Variants in DNAAF11 observed in about 807,000 individuals in gnomAD.
DNAAF11 encodes the protein leucine rich repeat containing 6.
A neutral mutation model predicts 60.8 loss-of-function variants in DNAAF11; 45 were observed. The ratio of observed to expected loss-of-function variants is 0.74; its 90% CI spans 0.58 to 0.95. The LOEUF is 0.95. Ranked by LOEUF, DNAAF11 falls within the 40% of genes least tolerant of loss-of-function variation. The probability of loss-of-function intolerance (pLI) is 0.00; values close to 1 mark genes in which losing one functional copy is unlikely to be tolerated. For synonymous variants in DNAAF11, 191 were observed against 183.5 expected (o/e 1.04, Z -0.33); for missense variants, 546 against 546.2 (o/e 1.00, Z 0.00).
At chr8:132,628,948 C>CA (rs1480955331) in intron 5 of DNAAF11, among the ~76,000 whole-genome samples, 1 of 152,140 alleles carries the variant, frequency 6.6e-6, no homozygotes, top group Non-Finnish European at 1.5e-5. Flanking sequence ...AAAATACAAT[C>CA]AGACAAGGAT....
chr8:132,608,652 C>T (rs1818349923), intron 10 of DNAAF11: 1 of 274,020 alleles, frequency 3.6e-6, no homozygotes, highest in African/African-American at 2.2e-5. Flanking sequence ...TTCACACAGA[C>T]ACAAAAACAA....
At chr8:132,668,055 G>T (rs1160083541) in intron 1 of DNAAF11, among the ~76,000 whole-genome samples, 1 of 151,970 alleles carries the variant, frequency 6.6e-6, no homozygotes, top group Non-Finnish European at 1.5e-5. Context: ...AGATTTTGTA[G>T]CATTCAGACA....
At chr8:132,675,383 A>G in intron 1 of DNAAF11, 101 bp downstream of exon 1, 1 of 1,330,434 alleles carries the variant, frequency 7.5e-7, no homozygotes, top group Non-Finnish European at 1.0e-6. Flanking sequence ...GCGCGGGGGA[A>G]CCGACAGCGC....
chr8:132,687,408 C>G, the DNAAF11 span: 7 of 306,336 alleles, frequency 2.3e-5, no homozygotes, highest in African/African-American at 1.5e-4. Flanking sequence ...TACATTCTAG[C>G]AGAATAATGA....
At chr8:132,647,890 C>A (rs1297602792) in intron 3 of DNAAF11, among the ~76,000 whole-genome samples, 1 of 152,106 alleles carries the variant, frequency 6.6e-6, no homozygotes, top group African/African-American at 2.4e-5. Context: ...CAAAAAAAGT[C>A]CAGGACCAGA....
Position 132,637,915 on chromosome 8 carries a change from C to A in DNAAF11, c.429+20G>T. The A allele has an allele frequency of 6.3e-7, 1 of 1,584,058 alleles. No homozygotes were observed. The highest frequency in any genetic ancestry group is 8.6e-7 in the Non-Finnish European group (1 of 1,163,888). On this transcript the variant is annotated intron_variant, in intron 4 of 11. Coordinates refer to ENST00000620350, the MANE Select transcript of DNAAF11 (RefSeq NM_012472.6). The stretch of plus-strand genomic sequence containing the variant: ...CATGCTCATTTATCTGTGATTTCTG[C>A]ACCATTAAAAGAACCATACCTTTAA...
At position 132,661,635 on chromosome 8, in the gene DNAAF11, A is replaced by C. The variant is rs757258992; in HGVS notation, c.11-8T>G. ...TAATAAGATCTTCTGTGACTGGAAG[A>C]AAATGTGTTACATATTACATTTCTG... is the stretch of plus-strand genomic sequence containing the variant. On this transcript the variant is annotated splice_polypyrimidine_tract_variant and splice_region_variant and intron_variant, in intron 1 of 11. Transcript: ENST00000620350. The C allele has an allele frequency of 1.2e-5, 20 of 1,611,888 alleles. No individual in the cohort carries two copies. The South Asian group carries it at 2.2e-4, about 18-fold the overall frequency.
chr8:132,679,300 G>C (rs943372918), upstream of DNAAF11, among the ~76,000 whole-genome samples: 5 of 152,142 alleles, frequency 3.3e-5, no homozygotes, highest in Admixed American at 2.0e-4. Flanking sequence ...TGGGTGCTCA[G>C]TAAATATTTG....
intron 11 of DNAAF11, among the ~76,000 whole-genome samples, chr8:132,582,401 G>A (rs1009992893): frequency 6.6e-5 from 10 of 152,160 alleles, no homozygotes; most frequent in Non-Finnish European, 1.3e-4. Context: ...TTTTCCTGGG[G>A]TCTGAAAACC....
At chr8:132,701,377 G>T in the DNAAF11 span, among the ~76,000 whole-genome samples, 1 of 152,208 alleles carries the variant, frequency 6.6e-6, no homozygotes, top group African/African-American at 2.4e-5. Flanking sequence ...CCCTCCTGGA[G>T]CTTGTAGTCA....
intron 11 of DNAAF11, chr8:132,578,472 C>A: frequency 6.5e-7 from 1 of 1,534,260 alleles, no homozygotes; most frequent in Non-Finnish European, 8.7e-7. Context: ...GTCTTACCCA[C>A]GACCTGACTG....
At chr8:132,601,732 T>C (rs1243342602) in intron 10 of DNAAF11, among the ~76,000 whole-genome samples, 1 of 151,666 alleles carries the variant, frequency 6.6e-6, no homozygotes, top group Non-Finnish European at 1.5e-5. Context: ...TGAGAACACT[T>C]GGACACAGGA....
At chr8:132,591,102 A>C (rs1816418036) in intron 10 of DNAAF11, among the ~76,000 whole-genome samples, 2 of 152,204 alleles carry the variant, frequency 1.3e-5, no homozygotes, top group African/African-American at 4.8e-5. Context: ...GAGAATCAAA[A>C]TTTAGAATTA....
chr8:132,644,843 A>G (rs1407012706), intron 3 of DNAAF11, among the ~76,000 whole-genome samples: 1 of 152,188 alleles, frequency 6.6e-6, no homozygotes, highest in Non-Finnish European at 1.5e-5. Flanking sequence ...GGAAGCTCGA[A>G]CTGGGTGGAG....
chr8:132,667,828 G>A (rs1824780764), intron 1 of DNAAF11, among the ~76,000 whole-genome samples: 1 of 152,164 alleles, frequency 6.6e-6, no homozygotes, highest in South Asian at 2.1e-4. Context: ...ACTTTGCAGG[G>A]AGCAGGGACA....
rs1814568978 is a variant in DNAAF11, at chr8:132,574,777, G to A, written c.1227-2297C>T. ...GCCCCATGCTAAGGCCTTTACTTGT[G>A]TCATCAAATCCTCAGACCCAGTGGG... On this transcript the variant is annotated intron_variant, in intron 11 of 11. Transcript: ENST00000620350. Among the ~76,000 whole-genome samples, 4 of 152,254 alleles carry A rather than the reference G, an allele frequency of 2.6e-5. No homozygotes were observed. In the South Asian group the frequency reaches 8.3e-4, roughly 32 times the overall value.
In DNAAF11 at chr8:132,637,995, G is replaced by T. The variant is rs373347833; in HGVS notation, c.369C>A (p.Asn123Lys). The T allele has an allele frequency of 6.2e-7, 1 of 1,614,044 alleles. No homozygotes were observed. ...TATAGTGGTCAAAGGAAGCACATGG[G>T]TTCCCCATGAGAAAGAGCTCCTTCA... ...IHLKELFLMG[N>K]PCASFDHYRE... Residue 123 changes from asparagine to lysine, a missense_variant, in exon 4 of 12, where the codon AAC (asparagine) becomes AAA (lysine). Asn to Lys is a moderately conservative substitution (Grantham distance 94). Transcript: ENST00000620350.
At chr8:132,658,359 G>A (rs906811996) in intron 2 of DNAAF11, among the ~76,000 whole-genome samples, 4 of 152,156 alleles carry the variant, frequency 2.6e-5, no homozygotes, top group Admixed American at 2.6e-4. Flanking sequence ...GTCTCACTCT[G>A]TTGCCCAGGC....
intron 8 of DNAAF11, 126 bp from the exon 9 acceptor site, chr8:132,611,489 G>C (rs556507304): frequency 5.0e-5 from 26 of 521,462 alleles, no homozygotes; most frequent in Non-Finnish European, 8.9e-5. Context: ...ATGCAAAATG[G>C]GTCTTTAAAA....
Sources: allele counts gnomAD v4.1 joint callset (sites outside exome capture counted in the v4.1 genomes callset), GRCh38; gene constraint gnomAD v4.1.1; transcripts MANE v1.5; gene names NCBI Gene and HGNC (gene_info 2026-07-23, HGNC 2026-07-21).